EPSTI1: variants seen among roughly 807,000 people sequenced by gnomAD.
EPSTI1 encodes the protein epithelial stromal interaction 1.
A neutral mutation model predicts 49.9 loss-of-function variants in EPSTI1; 66 were observed. The ratio of observed to expected loss-of-function variants is 1.32; its 90% CI spans 1.08 to 1.62. EPSTI1 has a LOEUF of 1.62. Among genes scored for constraint, EPSTI1 ranks in the 40% most tolerant of loss-of-function variants. The pLI is 0.00. For synonymous variants in EPSTI1, 137 were observed against 130.7 expected (o/e 1.05, Z -0.33); for missense variants, 394 against 365.5 (o/e 1.08, Z -0.64).
At chr13:42,926,990 GACAC>G (rs10529424) in intron 6 of EPSTI1, among the ~76,000 whole-genome samples, 59,848 of 144,386 alleles carry the variant, frequency 0.41, 12,255 homozygotes, top group Middle Eastern at 0.56. Context: ...TCTGTTAACA[GACAC>G]ACACACACAC....
intron 6 of EPSTI1, among the ~76,000 whole-genome samples, chr13:42,940,643 T>TA (rs1430816507): frequency 5.3e-5 from 8 of 152,318 alleles, no homozygotes; most frequent in Middle Eastern, 3.4e-3. Context: ...GGTGTGATCA[T>TA]AACTCACTGC....
chr13:42,917,097 A>G (rs547743762), intron 8 of EPSTI1, among the ~76,000 whole-genome samples: 1 of 152,310 alleles, frequency 6.6e-6, no homozygotes, highest in South Asian at 2.1e-4. Flanking sequence ...ACTTGGTTTT[A>G]CTGTATGTGT....
chr13:42,979,748 G>GATGT (rs1473057313), intron 1 of EPSTI1, among the ~76,000 whole-genome samples: 2 of 151,456 alleles, frequency 1.3e-5, no homozygotes, highest in Admixed American at 1.3e-4. Context: ...TAAGCTGCAG[G>GATGT]GTCATAACAC....
intron 3 of EPSTI1, among the ~76,000 whole-genome samples, chr13:42,964,864 G>A (rs1199275340): frequency 6.6e-6 from 1 of 152,160 alleles, no homozygotes; most frequent in Admixed American, 6.5e-5. Flanking sequence ...GTTTATGCAA[G>A]CTTGGTGTGC....
At chr13:42,938,080 C>T (rs187239050) in intron 6 of EPSTI1, among the ~76,000 whole-genome samples, 265 of 152,114 alleles carry the variant, frequency 1.7e-3, no homozygotes, top group South Asian at 6.4e-3. Context: ...TGACCTTGAA[C>T]TTTTGATATT....
At chr13:42,969,307 A>G (rs1478379650) in intron 2 of EPSTI1, 130 bp from the exon 3 acceptor site, 1 of 883,860 alleles carries the variant, frequency 1.1e-6, no homozygotes, top group African/African-American at 1.7e-5. Flanking sequence ...CAAGGCTTCC[A>G]GGTTAGAAAC....
intron 10 of EPSTI1, 137 bp from the exon 11 acceptor site, chr13:42,888,639 A>C: frequency 1.2e-6 from 1 of 849,622 alleles, no homozygotes; most frequent in South Asian, 1.9e-5. Flanking sequence ...TTAACAACTT[A>C]AATGACCATT....
rs2039513734 is a variant in EPSTI1, at chr13:42,963,313, ATTCTTACAGATTC to A, written c.418_430del (p.Glu140SerfsTer13). ...TTCAGCTTCTTCAGCTTCCTTCTTG[ATTCTTACAGATTC>A]TTCTCTTTTTAGCTAAATTGTATTG... On this transcript the variant is annotated frameshift_variant, in exon 5 of 11. Coordinates refer to ENST00000313624, the MANE Select transcript of EPSTI1 (RefSeq NM_033255.5). LOFTEE classifies it high-confidence loss of function. 6.2e-7 allele frequency: 1 copy of A among 1,612,312 alleles called. No individual in the cohort carries two copies. The highest frequency in any genetic ancestry group is 8.5e-7 in the Non-Finnish European group (1 of 1,179,596).
In EPSTI1 at chr13:42,992,197, C is replaced by A; in HGVS notation, c.-32G>T. The A allele has an allele frequency of 1.3e-6, 2 of 1,511,242 alleles. No homozygotes were observed. Among genetic ancestry groups the A allele is most frequent in the South Asian group, 2.6e-5 (2 of 76,062 alleles). 93.6% of individuals were successfully genotyped at this position (1,511,242 alleles called of 1,614,324 possible). A position where few individuals can be genotyped will look rare whatever the true frequency, so the allele number is the denominator to read the frequency against. The stretch of plus-strand genomic sequence containing the variant: ...CAGCCCGCGGGTCCCGGGCCGCCGT[C>A]GCTGCGGGAGGGATGCGGCTGGGAC... On this transcript the variant is annotated 5_prime_UTR_variant, in exon 1 of 11. Transcript: ENST00000313624.
At chr13:42,983,795 A>G (rs6561100) in intron 1 of EPSTI1, among the ~76,000 whole-genome samples, 146,070 of 152,156 alleles carry the variant, frequency 0.96, 70,333 homozygotes, top group Non-Finnish European at 1. Context: ...TTATCATGAA[A>G]AGAATATTCA....
chr13:42,905,673 C>T (rs1283370801), intron 8 of EPSTI1, among the ~76,000 whole-genome samples: 3 of 152,148 alleles, frequency 2.0e-5, no homozygotes, highest in Non-Finnish European at 2.9e-5. Flanking sequence ...TATTGTCACA[C>T]GCCAACCATT....
Position 42,893,321 on chromosome 13 carries a change from C to T in EPSTI1, c.915+1688G>A, listed in dbSNP as rs116935148. Among the ~76,000 whole-genome samples the T allele has an allele frequency of 3.7e-3, 563 of 152,204 alleles. 4 individuals are homozygous for T. Among genetic ancestry groups the T allele is most frequent in the Non-Finnish European group, 6.3e-3 (427 of 68,012 alleles). ...GGAGAGAGTATTATTAGAACAAAGT[C>T]CCCCAGGAGGTGGAGAAGAAGATAA... On this transcript the variant is annotated intron_variant, in intron 10 of 10. Transcript: ENST00000313624.
chr13:42,970,563 T>C lies in EPSTI1; in HGVS notation c.247+49A>G, dbSNP rs1370671693. The C allele has an allele frequency of 2.7e-6, 4 of 1,484,506 alleles. No individual in the cohort carries two copies. The Admixed American group carries it at 6.1e-5, about 23-fold the overall frequency. 92.0% of individuals were successfully genotyped at this position (1,484,506 alleles called of 1,614,324 possible). A position where few individuals can be genotyped will look rare whatever the true frequency, so the allele number is the denominator to read the frequency against. ...ATACTTCACACCAAAACAAACCAAT[T>C]GTAAAAAGAGAGAAGCATTCTGAAT... On this transcript the variant is annotated intron_variant, in intron 2 of 10. Coordinates refer to ENST00000313624, the MANE Select transcript of EPSTI1 (RefSeq NM_033255.5).
At chr13:42,920,611 A>T (rs954925115) in intron 7 of EPSTI1, among the ~76,000 whole-genome samples, 2 of 152,198 alleles carry the variant, frequency 1.3e-5, no homozygotes, top group African/African-American at 4.8e-5. Flanking sequence ...TCACCCCCAT[A>T]TACCTGCTCC....
chr13:42,948,930 G>C (rs889262929), intron 6 of EPSTI1, among the ~76,000 whole-genome samples: 1 of 152,210 alleles, frequency 6.6e-6, no homozygotes, highest in African/African-American at 2.4e-5. Context: ...TTGTAGCCAA[G>C]TGGATTCCAG....
At chr13:42,930,050 C>A (rs1041099529) in intron 6 of EPSTI1, among the ~76,000 whole-genome samples, 5 of 152,106 alleles carry the variant, frequency 3.3e-5, no homozygotes, top group Non-Finnish European at 7.4e-5. Context: ...TTAAAAGCAC[C>A]CCTGGTGATG....
At chr13:42,951,492 GA>G (rs1445619020) in intron 6 of EPSTI1, among the ~76,000 whole-genome samples, 1 of 152,196 alleles carries the variant, frequency 6.6e-6, no homozygotes, top group Non-Finnish European at 1.5e-5. Flanking sequence ...ATAAGCAGAA[GA>G]AAGAGCAAGA....
chr13:42,892,021 G>A (rs1026941473), intron 10 of EPSTI1, among the ~76,000 whole-genome samples: 3 of 152,182 alleles, frequency 2.0e-5, no homozygotes, highest in African/African-American at 2.4e-5. Context: ...CACTGAGACC[G>A]TGGAATTCAA....
intron 3 of EPSTI1, among the ~76,000 whole-genome samples, chr13:42,967,411 T>C (rs530479276): frequency 6.6e-6 from 1 of 152,306 alleles, no homozygotes; most frequent in South Asian, 2.1e-4. Context: ...AAGGCTGTTG[T>C]CCATTGGCCA....
Sources: gnomAD v4.1 joint callset for allele counts (sites outside exome capture counted in the v4.1 genomes callset) on GRCh38, gnomAD v4.1.1 for gene constraint, MANE v1.5 for transcripts, NCBI Gene and HGNC (gene_info 2026-07-23, HGNC 2026-07-21) for gene names.